Variants in DLGAP2 observed in about 807,000 individuals in gnomAD.
DLGAP2 encodes the protein DLG associated protein 2, also known as disks large-associated protein 2.
Under a neutral mutation model 100.3 loss-of-function variants are expected in DLGAP2, and 26 were observed. The ratio of observed to expected loss-of-function variants is 0.26; its 90% CI spans 0.19 to 0.36. The LOEUF (loss-of-function observed/expected upper bound fraction) is 0.36, where lower values mean the gene tolerates loss of function less well. Ranked by LOEUF, DLGAP2 falls within the 10% of genes least tolerant of loss-of-function variation. DLGAP2 has a pLI of 1.00. For synonymous variants in DLGAP2, 886 were observed against 630.1 expected (o/e 1.41, Z -6.08); for missense variants, 1,858 against 1,453.2 (o/e 1.28, Z -4.53).
chr8:1,145,827 T>C (rs1198284080), intron 2 of DLGAP2, among the ~76,000 whole-genome samples: 1 of 142,070 alleles, frequency 7.0e-6, no homozygotes, highest in Non-Finnish European at 1.5e-5. Flanking sequence ...TGTGTTCTCA[T>C]TGTTCAATTC....
chr8:1,218,699 G>A (rs1297088353), intron 2 of DLGAP2, among the ~76,000 whole-genome samples: 1 of 152,026 alleles, frequency 6.6e-6, no homozygotes, highest in Non-Finnish European at 1.5e-5. Flanking sequence ...GAATAGCATT[G>A]AATCTGTAAA....
At chr8:1,367,710 G>A (rs554572453) in intron 3 of DLGAP2, among the ~76,000 whole-genome samples, 5 of 152,300 alleles carry the variant, frequency 3.3e-5, no homozygotes, top group South Asian at 2.1e-4. Context: ...TGTTTAATGC[G>A]TGTCTCATTT....
At chr8:1,506,785 C>T (rs1799935580) in intron 4 of DLGAP2, among the ~76,000 whole-genome samples, 1 of 152,162 alleles carries the variant, frequency 6.6e-6, no homozygotes, top group Non-Finnish European at 1.5e-5. Flanking sequence ...ACAAAGAGTG[C>T]TGATTGGTGC....
At chr8:1,128,691 G>C (rs1177815198) in intron 2 of DLGAP2, among the ~76,000 whole-genome samples, 3 of 152,274 alleles carry the variant, frequency 2.0e-5, no homozygotes, top group Admixed American at 2.0e-4. Context: ...GATTGATTTA[G>C]CTACTTGGTA....
rs1009736584 is a variant in DLGAP2, at chr8:967,478, C to G, written c.73+59512C>G. Among the ~76,000 whole-genome samples, 4 of 151,898 alleles carry G rather than the reference C, an allele frequency of 2.6e-5. No individual in the cohort carries two copies. In the East Asian group the frequency reaches 7.8e-4, roughly 30 times the overall value. ...AAGATGCCCTTAATTGTTTGGATGCCTTCATGAATTTCAGATTTATTCGTG... is the reference window on the plus strand; with the variant it reads ...AAGATGCCCTTAATTGTTTGGATGCGTTCATGAATTTCAGATTTATTCGTG... On this transcript the variant is annotated intron_variant, in intron 2 of 14. Coordinates refer to ENST00000637795, the MANE Select transcript of DLGAP2 (RefSeq NM_001346810.2).
At chr8:1,229,713 G>C (rs116983439) in intron 2 of DLGAP2, among the ~76,000 whole-genome samples, 6 of 152,118 alleles carry the variant, frequency 3.9e-5, no homozygotes, top group Non-Finnish European at 5.9e-5. Flanking sequence ...GGTTGGTTCA[G>C]TGCACACAAA....
chr8:1,347,269 A>C (rs1302334138), intron 3 of DLGAP2, among the ~76,000 whole-genome samples: 1 of 151,110 alleles, frequency 6.6e-6, no homozygotes, highest in African/African-American at 2.4e-5. Context: ...TCCCACATAG[A>C]GCTACACTGC....
chr8:851,850 G>T (rs1419603603), intron 1 of DLGAP2, among the ~76,000 whole-genome samples: 1 of 149,898 alleles, frequency 6.7e-6, no homozygotes, highest in African/African-American at 2.4e-5. Flanking sequence ...TGGGTGGCGG[G>T]AGCTGCAGGG....
At position 810,596 on chromosome 8, in the gene DLGAP2, C is replaced by G. The variant is rs113223517; in HGVS notation, c.18+72771C>G. On this transcript the variant is annotated intron_variant, in intron 1 of 14. Transcript: ENST00000637795. ...CATGCTGTGCTGCAATTTTTTTAAC[C>G]ATTGTTTACTAAATTCTGTTGCCAT... 3.7e-3 allele frequency among the ~76,000 whole-genome samples: 558 copies of G among 152,244 alleles called. 2 individuals are homozygous for G. The highest frequency in any genetic ancestry group is 0.013 in the African/African-American group (527 of 41,556).
At chr8:986,345 G>A (rs1800487102) in intron 2 of DLGAP2, among the ~76,000 whole-genome samples, 1 of 152,174 alleles carries the variant, frequency 6.6e-6, no homozygotes, top group African/African-American at 2.4e-5. Flanking sequence ...TTCACTTTAA[G>A]TTCTGGGATA....
intron 3 of DLGAP2, among the ~76,000 whole-genome samples, chr8:1,337,042 T>C (rs1049850715): frequency 6.6e-6 from 1 of 152,106 alleles, no homozygotes; most frequent in Non-Finnish European, 1.5e-5. Context: ...GATCAGTACA[T>C]AGTAACCAGT....
At chr8:998,016 C>A (rs927587627) in intron 2 of DLGAP2, among the ~76,000 whole-genome samples, 3 of 151,248 alleles carry the variant, frequency 2.0e-5, no homozygotes, top group Admixed American at 6.7e-5. Context: ...CATAGACATG[C>A]ACACAAACAT....
At chr8:959,854 CAT>C (rs1269856772) in intron 2 of DLGAP2, among the ~76,000 whole-genome samples, 1 of 152,116 alleles carries the variant, frequency 6.6e-6, no homozygotes, top group Non-Finnish European at 1.5e-5. Context: ...TTTTCATGCT[CAT>C]ATAAAATGAG....
intron 1 of DLGAP2, among the ~76,000 whole-genome samples, chr8:900,385 G>C (rs1798229153): frequency 6.6e-6 from 1 of 152,112 alleles, no homozygotes; most frequent in Non-Finnish European, 1.5e-5. Flanking sequence ...CGGGCGGATG[G>C]TGGGCGCCCT....
intron 2 of DLGAP2, among the ~76,000 whole-genome samples, chr8:1,151,019 T>A (rs766324537): frequency 6.6e-6 from 1 of 152,232 alleles, no homozygotes; most frequent in Admixed American, 6.5e-5. Context: ...ATGTAATCGT[T>A]ATGCTTTGTT....
At chr8:1,566,576 T>G (rs1802411312) in intron 6 of DLGAP2, among the ~76,000 whole-genome samples, 1 of 152,222 alleles carries the variant, frequency 6.6e-6, no homozygotes, top group Non-Finnish European at 1.5e-5. Flanking sequence ...CCCTGCCTTC[T>G]GCGGCCGGCT....
chr8:1,704,331 A>C lies in DLGAP2; in HGVS notation c.*2925A>C, dbSNP rs1799648656. 6.6e-6 allele frequency: 1 copy of C among 152,346 alleles called. No individual in the cohort carries two copies. The highest frequency in any genetic ancestry group is 2.1e-4 in the South Asian group (1 of 4,830). The allele number at this position is 152,346 out of a possible 1,614,324, so 9.4% of individuals were successfully genotyped here. A position where few individuals can be genotyped will look rare whatever the true frequency, so the allele number is the denominator to read the frequency against. On this transcript the variant is annotated 3_prime_UTR_variant, in exon 15 of 15. Coordinates refer to ENST00000637795, the MANE Select transcript of DLGAP2 (RefSeq NM_001346810.2). ...CCATACCTACATTCCCTAATGATAC[A>C]GCCAATGACAGGTGAAACCCAGACA...
At chr8:1,449,985 G>T (rs111996665) in intron 3 of DLGAP2, among the ~76,000 whole-genome samples, 3 of 31,378 alleles carry the variant, frequency 9.6e-5, no homozygotes, top group East Asian at 1.2e-3. Flanking sequence ...TGACTGAGGC[G>T]GAGCTGTGAG....
At chr8:1,039,668 A>G (rs1367871747) in intron 2 of DLGAP2, among the ~76,000 whole-genome samples, 5 of 85,016 alleles carry the variant, frequency 5.9e-5, no homozygotes, top group East Asian at 3.8e-4. Flanking sequence ...GTGGGTGGTC[A>G]GCTCGGTGTG....
Sources: gnomAD v4.1 joint callset for allele counts (sites outside exome capture counted in the v4.1 genomes callset) on GRCh38, gnomAD v4.1.1 for gene constraint, MANE v1.5 for transcripts, NCBI Gene and HGNC (gene_info 2026-07-23, HGNC 2026-07-21) for gene names.